Variants in CCDC91 observed in about 807,000 individuals in gnomAD.
The protein encoded by CCDC91 is coiled-coil domain containing 91.
CCDC91 carries 48 observed loss-of-function variants against 63.2 expected under a neutral mutation model. The observed-to-expected ratio is 0.76, with a 90% confidence interval of 0.60 to 0.97. CCDC91 has a LOEUF of 0.97. Ranked by LOEUF, CCDC91 falls within the 50% of genes least tolerant of loss-of-function variation. The probability of loss-of-function intolerance (pLI) is 0.00; values close to 1 mark genes in which losing one functional copy is unlikely to be tolerated. For missense variants in CCDC91, 500 were observed against 494.6 expected (o/e 1.01, Z -0.10); for synonymous variants, 167 against 165.8 (o/e 1.01, Z -0.06).
chr12:28,400,332 G>T (rs544430922), intron 8 of CCDC91, among the ~76,000 whole-genome samples: 2 of 151,856 alleles, frequency 1.3e-5, no homozygotes, highest in African/African-American at 4.8e-5. Flanking sequence ...ATGTCCTGAG[G>T]TCTCTCCACA....
chr12:28,363,023 T>A (rs1944007008), intron 7 of CCDC91, among the ~76,000 whole-genome samples: 1 of 152,206 alleles, frequency 6.6e-6, no homozygotes, highest in African/African-American at 2.4e-5. Flanking sequence ...CTGCATAAGC[T>A]GAAATATTTA....
intron 1 of CCDC91, among the ~76,000 whole-genome samples, chr12:28,195,579 A>G (rs7974701): frequency 0.26 from 39,706 of 152,026 alleles, 5,458 homozygotes; most frequent in Non-Finnish European, 0.31. Flanking sequence ...AGTCCTTATT[A>G]TGGTAGCGTT....
At chr12:28,491,042 A>G (rs1951973871) in intron 12 of CCDC91, among the ~76,000 whole-genome samples, 2 of 151,804 alleles carry the variant, frequency 1.3e-5, no homozygotes, top group Non-Finnish European at 2.9e-5. Context: ...CAAAATGTAA[A>G]TTTATGTATG....
At chr12:28,489,123 T>C (rs1485653605) in intron 12 of CCDC91, among the ~76,000 whole-genome samples, 1 of 151,944 alleles carries the variant, frequency 6.6e-6, no homozygotes, top group Non-Finnish European at 1.5e-5. Context: ...CTGTTCTAAA[T>C]CATAAAAATT....
chr12:28,510,294 A>T (rs1939235228), intron 12 of CCDC91, among the ~76,000 whole-genome samples: 1 of 134,822 alleles, frequency 7.4e-6, no homozygotes, highest in Non-Finnish European at 1.7e-5. Context: ...GGCTGTCATG[A>T]TTCTGGAGGC....
At chr12:28,273,627 A>G (rs1322453642) in intron 3 of CCDC91, among the ~76,000 whole-genome samples, 9 of 152,264 alleles carry the variant, frequency 5.9e-5, no homozygotes, top group Non-Finnish European at 1.0e-4. Context: ...TTTTGGCTGC[A>G]TAAATGTCTT....
chr12:28,348,332 G>T (rs963228311), intron 6 of CCDC91, among the ~76,000 whole-genome samples: 1 of 152,292 alleles, frequency 6.6e-6, no homozygotes. Context: ...CTGGCATTAT[G>T]TATCTGAGAG....
chr12:28,472,879 G>A (rs1333917920), intron 11 of CCDC91, among the ~76,000 whole-genome samples: 3 of 152,184 alleles, frequency 2.0e-5, no homozygotes, highest in South Asian at 2.1e-4. Context: ...CTTTGCACTT[G>A]CATCCATGTC....
In CCDC91 at chr12:28,450,375, A is replaced by C; in HGVS notation, c.881A>C (p.Glu294Ala). The change falls in exon 10 of 13, where the codon GAA (glutamate) becomes GCA (alanine). Residue 294 changes from glutamate (E) to alanine (A), a missense_variant. Coordinates refer to ENST00000536442, the MANE Select transcript of CCDC91 (RefSeq NM_018318.5). ...QKEILEKCLE[E>A]ERQRNKEALV... ...GAAATATTGGAAAAGTGTTTGGAGGAAGAAAGGCAAAGAAATAAAGAGGCA... is the reference window on the plus strand; with the variant it reads ...GAAATATTGGAAAAGTGTTTGGAGGCAGAAAGGCAAAGAAATAAAGAGGCA... The C allele has an allele frequency of 6.2e-7, 1 of 1,612,202 alleles. No homozygotes were observed. Among genetic ancestry groups the C allele is most frequent in the South Asian group, 1.1e-5 (1 of 91,038 alleles).
chr12:28,474,289 C>T (rs1950970046), intron 11 of CCDC91, among the ~76,000 whole-genome samples: 1 of 151,432 alleles, frequency 6.6e-6, no homozygotes, highest in Admixed American at 6.6e-5. Context: ...TACATTATGA[C>T]AACATTCATG....
chr12:28,512,129 T>C (rs1939442889), intron 12 of CCDC91, among the ~76,000 whole-genome samples: 1 of 151,888 alleles, frequency 6.6e-6, no homozygotes, highest in African/African-American at 2.4e-5. Context: ...GTTTCTATGG[T>C]GCATTCCTCT....
At chr12:28,426,432 A>G (rs1321189561) in intron 8 of CCDC91, among the ~76,000 whole-genome samples, 3 of 151,610 alleles carry the variant, frequency 2.0e-5, no homozygotes, top group Non-Finnish European at 4.4e-5. Flanking sequence ...TTTCCTTTTG[A>G]TTTTTCAGTG....
intron 12 of CCDC91, among the ~76,000 whole-genome samples, chr12:28,499,512 C>G (rs185458957): frequency 2.6e-5 from 4 of 151,930 alleles, no homozygotes; most frequent in Non-Finnish European, 4.4e-5. Context: ...CCCTACCCCC[C>G]ACTCCCTTAC....
chr12:28,456,485 A>G (rs897275936), intron 11 of CCDC91, among the ~76,000 whole-genome samples: 1 of 152,190 alleles, frequency 6.6e-6, no homozygotes, highest in African/African-American at 2.4e-5. Flanking sequence ...AAGACACATC[A>G]GTAGTTACAA....
At chr12:28,510,236 C>CGTGTGTGTGTGTGTGTGTGTGTGT (rs567113847) in intron 12 of CCDC91, among the ~76,000 whole-genome samples, 1,430 of 135,942 alleles carry the variant, frequency 0.011, 31 homozygotes, top group Middle Eastern at 0.018. Flanking sequence ...GTCAATAGGG[C>CGTGTGTGTGTGTGTGTGTGTGTGT]ATGTGTGTGT....
intron 3 of CCDC91, among the ~76,000 whole-genome samples, chr12:28,285,694 TA>T (rs1328011692): frequency 9.3e-6 from 1 of 107,300 alleles, no homozygotes; most frequent in Non-Finnish European, 2.1e-5. Flanking sequence ...TTATTTCCTT[TA>T]TTTAAGTTTC....
intron 1 of CCDC91, among the ~76,000 whole-genome samples, chr12:28,217,136 T>C (rs1185795811): frequency 6.6e-6 from 1 of 152,104 alleles, no homozygotes; most frequent in African/African-American, 2.4e-5. Flanking sequence ...CTTAACATGC[T>C]ACTAGGAAAT....
At chr12:28,300,692 A>G (rs1937971660) in intron 3 of CCDC91, among the ~76,000 whole-genome samples, 2 of 151,548 alleles carry the variant, frequency 1.3e-5, no homozygotes, top group African/African-American at 4.8e-5. Flanking sequence ...CCTATACATT[A>G]ATTAAGAGAG....
rs1223589152 is a variant in CCDC91, at chr12:28,227,946, G to C, written c.-14-29256G>C. ...GGAGGTGATATAGAAATTTTCTAAG[G>C]ATTAAAAGTGATAGCGTGTCTAAAG... On this transcript the variant is annotated intron_variant, in intron 1 of 12. Coordinates refer to ENST00000536442, the MANE Select transcript of CCDC91 (RefSeq NM_018318.5). Among the ~76,000 whole-genome samples the C allele has an allele frequency of 2.0e-5, 3 of 152,040 alleles. No homozygotes were observed. In the East Asian group the frequency reaches 5.8e-4, roughly 29 times the overall value.
Sources: allele counts gnomAD v4.1 joint callset (sites outside exome capture counted in the v4.1 genomes callset), GRCh38; gene constraint gnomAD v4.1.1; transcripts MANE v1.5; gene names NCBI Gene and HGNC (gene_info 2026-07-23, HGNC 2026-07-21).